DYDC2: variants seen among roughly 807,000 people sequenced by gnomAD.
The protein encoded by DYDC2 is DPY30 domain containing 2, also known as DPY30 domain-containing protein 2.
In DYDC2, 19 loss-of-function variants were observed where a neutral mutation model predicts 18.7. The observed-to-expected ratio is 1.02, with a 90% CI of 0.71 to 1.49. DYDC2 has a LOEUF of 1.49. Ranked by LOEUF, DYDC2 falls within the 40% of genes most tolerant of loss-of-function variation. DYDC2 has a pLI of 0.00. For missense variants in DYDC2, 179 were observed against 205.1 expected, an observed-to-expected ratio of 0.87 and a Z score of 0.78; for synonymous variants, 63 against 67.6, an observed-to-expected ratio of 0.93 and a Z score of 0.34.
chr10:80,367,297 G>T lies in DYDC2; in HGVS notation c.*346G>T. ...CAGCCGAGTCAAAGGAAAGAGAAAAGACAAGTCAAGAGAGAAAGTGGGACC... is the reference window on the plus strand; with the variant it reads ...CAGCCGAGTCAAAGGAAAGAGAAAATACAAGTCAAGAGAGAAAGTGGGACC... On this transcript the variant is annotated 3_prime_UTR_variant, in exon 5 of 5. Coordinates refer to ENST00000256039, the MANE Select transcript of DYDC2 (RefSeq NM_032372.6). 5.5e-6 allele frequency: 1 copy of T among 181,642 alleles called. No homozygotes were observed. Among genetic ancestry groups the T allele is most frequent in the South Asian group, 1.4e-4 (1 of 7,148 alleles). The allele number at this position is 181,642 out of a possible 1,614,324, so 11.3% of individuals were successfully genotyped here.
chr10:80,358,771 G>A (rs975563412), intron 2 of DYDC2, among the ~76,000 whole-genome samples: 42 of 152,326 alleles, frequency 2.8e-4, no homozygotes, highest in Non-Finnish European at 2.2e-4. Context: ...GAATTGGTGG[G>A]TTCTTGGTCT....
intron 4 of DYDC2, among the ~76,000 whole-genome samples, chr10:80,364,259 T>G (rs1843757714): frequency 6.6e-6 from 1 of 152,208 alleles, no homozygotes; most frequent in Non-Finnish European, 1.5e-5. Flanking sequence ...TGTAAATAAA[T>G]TAAATCAAAA....
chr10:80,350,033 C>T (rs565804711), intron 1 of DYDC2, among the ~76,000 whole-genome samples: 7 of 152,176 alleles, frequency 4.6e-5, no homozygotes, highest in Non-Finnish European at 1.0e-4. Flanking sequence ...TCAGAAGGCA[C>T]CCAGAGGCCT....
chr10:80,359,113 C>T (rs1482454024), intron 2 of DYDC2, among the ~76,000 whole-genome samples: 1 of 152,220 alleles, frequency 6.6e-6, no homozygotes, highest in Non-Finnish European at 1.5e-5. Flanking sequence ...GCCCTACCCA[C>T]ATCCTGCTGA....
At chr10:80,348,853 A>T (rs1399273524) in intron 1 of DYDC2, among the ~76,000 whole-genome samples, 1 of 152,254 alleles carries the variant, frequency 6.6e-6, no homozygotes. Context: ...ATTTTCAAGG[A>T]TGAAATGCAT....
chr10:80,359,913 C>T (rs1843614096), intron 2 of DYDC2, among the ~76,000 whole-genome samples: 1 of 152,188 alleles, frequency 6.6e-6, no homozygotes, highest in Non-Finnish European at 1.5e-5. Context: ...CCGGCCTTGG[C>T]CAGCCCAGAG....
chr10:80,351,991 T>A (rs755405371), upstream of DYDC2: 3 of 1,614,080 alleles, frequency 1.9e-6, no homozygotes, highest in South Asian at 3.3e-5. Context: ...GCTTGGCCAT[T>A]TCCTTTTGTC....
At chr10:80,364,725 C>T (rs909171973) in intron 4 of DYDC2, among the ~76,000 whole-genome samples, 1 of 152,138 alleles carries the variant, frequency 6.6e-6, no homozygotes, top group East Asian at 1.9e-4. Flanking sequence ...TGCAAGTTCT[C>T]AGTTTTAGAA....
At chr10:80,362,131 C>A (rs1296912329) in intron 2 of DYDC2, among the ~76,000 whole-genome samples, 2 of 152,180 alleles carry the variant, frequency 1.3e-5, no homozygotes, top group Non-Finnish European at 2.9e-5. Flanking sequence ...TTGAAAAATG[C>A]CTCCAGAAAA....
intron 1 of DYDC2, among the ~76,000 whole-genome samples, chr10:80,357,612 T>G (rs1210015154): frequency 2.6e-5 from 4 of 152,148 alleles, no homozygotes; most frequent in Non-Finnish European, 5.9e-5. Flanking sequence ...GACCTCTGCT[T>G]GGTTCCTTTC....
chr10:80,366,788 G>C lies in DYDC2; in HGVS notation c.371G>C (p.Gly124Ala). 6.2e-7 allele frequency: 1 copy of C among 1,614,144 alleles called. No individual in the cohort carries two copies. Among genetic ancestry groups the C allele is most frequent in the South Asian group, 1.1e-5 (1 of 91,084 alleles). ...KEALKQEFLP[G>A]TSSLIPGMPQ... Reference sequence around the variant, plus strand: ...GCCTTGAAGCAGGAATTCCTGCCAGGTACTTCCAGTCTGATTCCAGGAATG... The same window carrying C: ...GCCTTGAAGCAGGAATTCCTGCCAGCTACTTCCAGTCTGATTCCAGGAATG... The change falls in exon 5 of 5, where the codon GGT becomes GCT. Residue 124 changes from glycine to alanine, a missense_variant. Gly to Ala is a moderately conservative substitution (Grantham distance 60). Coordinates refer to ENST00000256039, the MANE Select transcript of DYDC2 (RefSeq NM_032372.6).
intron 4 of DYDC2, among the ~76,000 whole-genome samples, chr10:80,364,557 T>C (rs1481309524): frequency 2.6e-5 from 4 of 152,262 alleles, no homozygotes; most frequent in South Asian, 4.1e-4. Context: ...ATATTTTGAA[T>C]TGTCTTTTTG....
rs770043635 is a variant in DYDC2, at chr10:80,359,945, G to A, written c.-10+1900G>A. Among the ~76,000 whole-genome samples, 135 of 152,314 alleles carry A rather than the reference G, an allele frequency of 8.9e-4. 1 individual carries two copies. Among genetic ancestry groups the A allele is most frequent in the Non-Finnish European group, 1.6e-3 (110 of 68,022 alleles). On this transcript the variant is annotated intron_variant, in intron 2 of 4. Transcript: ENST00000256039. ...AGAGGGGCTCCCACAGTGCAGCGGC[G>A]GGCTGAAGGGCTCCTCAAGCATGGC...
chr10:80,362,694 GTTTA>G (rs1564674112), intron 3 of DYDC2, 104 bp downstream of exon 3: 1 of 1,492,004 alleles, frequency 6.7e-7, no homozygotes, highest in African/African-American at 1.4e-5. Flanking sequence ...GAATTTCTTG[GTTTA>G]TTTGACTTGC....
chr10:80,363,563 T>C (rs1843734420), intron 4 of DYDC2, among the ~76,000 whole-genome samples: 1 of 150,874 alleles, frequency 6.6e-6, no homozygotes, highest in Non-Finnish European at 1.5e-5. Flanking sequence ...TTAACCAGGA[T>C]GGTCTTGATC....
chr10:80,346,348 AT>A (rs1842621460), intron 1 of DYDC2, among the ~76,000 whole-genome samples: 1 of 147,656 alleles, frequency 6.8e-6, no homozygotes, highest in African/African-American at 2.5e-5. Flanking sequence ...CACCCATACC[AT>A]TTTGCATAAT....
At chr10:80,365,431 T>G (rs1843797419) in intron 4 of DYDC2, among the ~76,000 whole-genome samples, 1 of 152,236 alleles carries the variant, frequency 6.6e-6, no homozygotes, top group Admixed American at 6.5e-5. Flanking sequence ...AGAAGAAAAC[T>G]ATTGTTTATA....
chr10:80,357,314 G>GT (rs1217042113), intron 1 of DYDC2, among the ~76,000 whole-genome samples: 3 of 151,838 alleles, frequency 2.0e-5, no homozygotes, highest in African/African-American at 7.3e-5. Flanking sequence ...GCGTGTGCTC[G>GT]TGAGGGGTCG....
chr10:80,358,421 A>G (rs1423930446), intron 2 of DYDC2, among the ~76,000 whole-genome samples: 1 of 152,160 alleles, frequency 6.6e-6, no homozygotes, highest in Non-Finnish European at 1.5e-5. Flanking sequence ...CTTCCCCTCC[A>G]GCCCTCAGAT....
Sources: allele counts gnomAD v4.1 joint callset (sites outside exome capture counted in the v4.1 genomes callset), GRCh38; gene constraint gnomAD v4.1.1; transcripts MANE v1.5; gene names NCBI Gene and HGNC (gene_info 2026-07-23, HGNC 2026-07-21).